Variants in BANK1 observed in about 807,000 individuals in gnomAD.
BANK1 encodes the protein B cell scaffold protein with ankyrin repeats 1.
In BANK1, 95 loss-of-function variants were observed where a neutral mutation model predicts 94.5. The observed-to-expected ratio is 1.00, with a 90% CI of 0.85 to 1.19. BANK1 has a LOEUF of 1.19. BANK1 is among the 50% of genes most tolerant of loss of function. The probability of loss-of-function intolerance (pLI) is 0.00; values close to 1 mark genes in which losing one functional copy is unlikely to be tolerated. For synonymous variants in BANK1, 334 were observed against 308.4 expected (o/e 1.08, Z -0.87); for missense variants, 987 against 932.2 (o/e 1.06, Z -0.77).
At chr4:102,024,961 A>T (rs1002140309) in intron 8 of BANK1, among the ~76,000 whole-genome samples, 1 of 152,230 alleles carries the variant, frequency 6.6e-6, no homozygotes, top group South Asian at 2.1e-4. Context: ...TATCTGCATG[A>T]GTGTGTCATA....
At chr4:101,968,104 G>C (rs1202474511) in intron 7 of BANK1, among the ~76,000 whole-genome samples, 1 of 151,982 alleles carries the variant, frequency 6.6e-6, no homozygotes, top group African/African-American at 2.4e-5. Flanking sequence ...ACCCACAGAT[G>C]ATAAGAAGAA....
intron 11 of BANK1, among the ~76,000 whole-genome samples, chr4:102,059,890 C>T (rs1216923155): frequency 2.6e-5 from 4 of 152,128 alleles, no homozygotes; most frequent in African/African-American, 4.8e-5. Context: ...ATTTTGTGCA[C>T]GTGATCTCTG....
intron 7 of BANK1, among the ~76,000 whole-genome samples, chr4:101,959,505 GA>G (rs1190908836): frequency 2.0e-5 from 3 of 152,128 alleles, no homozygotes; most frequent in Non-Finnish European, 4.4e-5. Flanking sequence ...CATCTATTTG[GA>G]ATTTGAAAAA....
chr4:101,988,020 G>C (rs561508811), intron 7 of BANK1, among the ~76,000 whole-genome samples: 1 of 152,248 alleles, frequency 6.6e-6, no homozygotes, highest in Admixed American at 6.5e-5. Context: ...GAAGAGCAGA[G>C]GCCTGGTGCA....
At chr4:102,044,484 A>G (rs541705836) in intron 11 of BANK1, among the ~76,000 whole-genome samples, 11 of 149,648 alleles carry the variant, frequency 7.4e-5, no homozygotes, top group Non-Finnish European at 1.6e-4. Context: ...TAATGCCGCA[A>G]TAAACATACG....
intron 1 of BANK1, among the ~76,000 whole-genome samples, chr4:101,824,259 A>G (rs987328863): frequency 1.3e-5 from 2 of 152,244 alleles, no homozygotes; most frequent in Admixed American, 1.3e-4. Context: ...AGCACCAGCG[A>G]AAGTCCTCAG....
chr4:101,977,781 C>T (rs1725185009), intron 7 of BANK1, among the ~76,000 whole-genome samples: 1 of 151,990 alleles, frequency 6.6e-6, no homozygotes, highest in Non-Finnish European at 1.5e-5. Flanking sequence ...CTCCATTGTT[C>T]TTAAAGACAA....
chr4:102,042,643 A>C (rs936740815), intron 10 of BANK1, among the ~76,000 whole-genome samples: 4 of 152,054 alleles, frequency 2.6e-5, no homozygotes, highest in African/African-American at 9.7e-5. Context: ...CAAAGACAGA[A>C]ATCTAGGATA....
Position 101,918,048 on chromosome 4 carries a change from A to G in BANK1, c.1065A>G (p.Leu355=), listed in dbSNP as rs764086576. 6.2e-7 allele frequency: 1 copy of G among 1,611,546 alleles called. No individual in the cohort carries two copies. The highest frequency in any genetic ancestry group is 1.3e-5 in the African/African-American group (1 of 74,818). The part of the protein sequence containing the change: ...TLLHCAAKFG[L]KNLAIHLLQC... ...TCCACTGTGCAGCAAAATTTGGCTT[A>G]AAGAACCTGGCTATTCATTTGCTTC... Residue 355 remains leucine (L), a synonymous_variant, in exon 7 of 17, where the codon TTA becomes TTG. Transcript: ENST00000322953.
intron 2 of BANK1, among the ~76,000 whole-genome samples, chr4:101,846,189 T>G (rs1727236912): frequency 6.6e-6 from 1 of 152,156 alleles, no homozygotes; most frequent in African/African-American, 2.4e-5. Flanking sequence ...TGTCCAACAA[T>G]GATAGACTGG....
chr4:102,069,876 C>A (rs1728703089), intron 13 of BANK1, among the ~76,000 whole-genome samples: 2 of 152,102 alleles, frequency 1.3e-5, no homozygotes, highest in Non-Finnish European at 1.5e-5. Context: ...AAGGATGGAT[C>A]AGACACAAGG....
intron 1 of BANK1, among the ~76,000 whole-genome samples, chr4:101,801,667 A>G (rs990592990): frequency 6.6e-6 from 1 of 152,146 alleles, no homozygotes; most frequent in Non-Finnish European, 1.5e-5. Context: ...TGTTTTTCAT[A>G]TATTTCTTTG....
At chr4:102,071,662 A>T (rs978561853) in intron 14 of BANK1, among the ~76,000 whole-genome samples, 3 of 152,184 alleles carry the variant, frequency 2.0e-5, no homozygotes, top group Non-Finnish European at 4.4e-5. Context: ...TGCTATAAAG[A>T]CTGATAATGA....
At chr4:101,986,496 T>C (rs1725485504) in intron 7 of BANK1, among the ~76,000 whole-genome samples, 1 of 151,996 alleles carries the variant, frequency 6.6e-6, no homozygotes, top group Non-Finnish European at 1.5e-5. Context: ...TCAGTTTCCT[T>C]ACTTTAAAAA....
chr4:101,890,550 A>T lies in BANK1; in HGVS notation c.904-4755A>T, dbSNP rs145437419. On this transcript the variant is annotated intron_variant, in intron 5 of 16. Coordinates refer to ENST00000322953, the MANE Select transcript of BANK1 (RefSeq NM_017935.5). ...CTACTTAAACCTGCTAATTTTACTT[A>T]TTATAAATATTATTAAAGTATAATT... 6.2e-3 allele frequency among the ~76,000 whole-genome samples: 919 copies of T among 149,090 alleles called. 13 individuals carry two copies. The highest frequency in any genetic ancestry group is 0.021 in the African/African-American group (858 of 41,190).
chr4:102,028,522 T>C (rs1176484132), intron 9 of BANK1, among the ~76,000 whole-genome samples: 1 of 152,198 alleles, frequency 6.6e-6, no homozygotes, highest in Non-Finnish European at 1.5e-5. Context: ...CTCTGCTACT[T>C]GTCTTTCCCC....
In BANK1 at chr4:101,993,067, A is replaced by G. The variant is rs551765794; in HGVS notation, c.1207-28447A>G. Among the ~76,000 whole-genome samples, 161 of 152,294 alleles carry G rather than the reference A, an allele frequency of 1.1e-3. 1 individual carries two copies. The highest frequency in any genetic ancestry group is 3.8e-3 in the African/African-American group (160 of 41,566). On this transcript the variant is annotated intron_variant, in intron 7 of 16. Coordinates refer to ENST00000322953, the MANE Select transcript of BANK1 (RefSeq NM_017935.5). ...TAATCCAGACCACTCTTAACGGCAC[A>G]GTTGGCTCTCATGGAGACCATAAGT...
In BANK1 at chr4:102,021,511, C is replaced by T. The variant is rs753472079; in HGVS notation, c.1207-3C>T. On this transcript the variant is annotated splice_region_variant and splice_polypyrimidine_tract_variant and intron_variant, in intron 7 of 16. Transcript: ENST00000322953. ...ATATTATTAAAAATTACATTTTTTT[C>T]AGATCCAAGAAATTGACATAAATAA... 6.5e-6 allele frequency: 9 copies of T among 1,383,234 alleles called. No homozygotes were observed. In the South Asian group the frequency reaches 1.3e-4, roughly 20 times the overall value. The allele number at this position is 1,383,234 out of a possible 1,614,324, so 85.7% of individuals were successfully genotyped here. A position where few individuals can be genotyped will look rare whatever the true frequency, so the allele number is the denominator to read the frequency against.
chr4:102,037,220 C>T (rs1449946096), intron 10 of BANK1, among the ~76,000 whole-genome samples: 1 of 152,154 alleles, frequency 6.6e-6, no homozygotes, highest in Non-Finnish European at 1.5e-5. Context: ...ATCTGCTAGG[C>T]AGAGACCAAG....
Sources: allele counts gnomAD v4.1 joint callset (sites outside exome capture counted in the v4.1 genomes callset), GRCh38; gene constraint gnomAD v4.1.1; transcripts MANE v1.5; gene names NCBI Gene and HGNC (gene_info 2026-07-23, HGNC 2026-07-21).